The following MLLT1 variants were observed in gnomAD, a reference collection of about 807,000 sequenced individuals.
The protein encoded by MLLT1 is MLLT1 super elongation complex subunit.
In MLLT1, 11 loss-of-function variants were observed where a neutral mutation model predicts 55.1. The ratio of observed to expected loss-of-function variants is 0.20; its 90% CI spans 0.13 to 0.33. MLLT1 has a LOEUF of 0.33. Among genes scored for constraint, MLLT1 ranks in the 10% least tolerant of loss-of-function variants. MLLT1 has a pLI of 1.00. For missense variants in MLLT1, 536 were observed against 760.6 expected, an observed-to-expected ratio of 0.70 and a Z score of 3.47; for synonymous variants, 323 against 320.1, an observed-to-expected ratio of 1.01 and a Z score of -0.10.
In MLLT1 at chr19:6,226,808, G is replaced by C. The variant is rs374621354; in HGVS notation, c.546+169C>G. On this transcript the variant is annotated intron_variant, in intron 5 of 11. Coordinates refer to ENST00000252674, the MANE Select transcript of MLLT1 (RefSeq NM_005934.4). This position sits in a 1 kb window ranked among gnomAD's most constrained non-coding sequence, Gnocchi z 6.3. The stretch of plus-strand genomic sequence containing the variant: ...TCACGGGCTTATTCCTGAAATCCTA[G>C]GGAAGCGGCAGTGCGCAGCGAGGGG... Among the ~76,000 whole-genome samples, 16 of 152,232 alleles carry C rather than the reference G, an allele frequency of 1.1e-4. No homozygotes were observed. In the East Asian group the frequency reaches 3.1e-3, roughly 30 times the overall value.
At chr19:6,232,334 TG>T in intron 3 of MLLT1, among the ~76,000 whole-genome samples, 1 of 152,272 alleles carries the variant, frequency 6.6e-6, no homozygotes, top group Non-Finnish European at 1.5e-5. Context: ...CACCACTCAA[TG>T]GGGACTGAGG....
At chr19:6,214,947 A>C (rs2090824550) in intron 8 of MLLT1, among the ~76,000 whole-genome samples, 1 of 151,638 alleles carries the variant, frequency 6.6e-6, no homozygotes, top group South Asian at 2.1e-4. Context: ...CAGTGGCCTC[A>C]GGCTGGGGCC....
intron 3 of MLLT1, among the ~76,000 whole-genome samples, chr19:6,244,436 T>C (rs2091147900): frequency 6.6e-6 from 1 of 150,442 alleles, no homozygotes; most frequent in African/African-American, 2.4e-5. Flanking sequence ...CACTACCCTT[T>C]GACAGTCTCC....
chr19:6,218,638 A>C (rs2090868367), intron 6 of MLLT1, among the ~76,000 whole-genome samples: 1 of 152,182 alleles, frequency 6.6e-6, no homozygotes, highest in Non-Finnish European at 1.5e-5. Flanking sequence ...CTCCTCCTGC[A>C]GCTGTCCTTC....
At chr19:6,278,155 T>C (rs1312714446) in intron 1 of MLLT1, among the ~76,000 whole-genome samples, 3 of 152,188 alleles carry the variant, frequency 2.0e-5, no homozygotes, top group African/African-American at 4.8e-5. Context: ...CTGCCCTCTC[T>C]AACGGCGGAG....
At chr19:6,221,037 C>A (rs1205624242) in intron 6 of MLLT1, among the ~76,000 whole-genome samples, 1 of 152,212 alleles carries the variant, frequency 6.6e-6, no homozygotes, top group Non-Finnish European at 1.5e-5. Flanking sequence ...GACCGTCACC[C>A]CCAGCCAGCC....
chr19:6,252,915 G>A (rs1401982303), intron 3 of MLLT1, among the ~76,000 whole-genome samples: 1 of 152,116 alleles, frequency 6.6e-6, no homozygotes, highest in East Asian at 1.9e-4. Flanking sequence ...ACAACTATAT[G>A]CCAGCTAGAT....
intron 4 of MLLT1, among the ~76,000 whole-genome samples, chr19:6,228,616 G>A (rs921275400): frequency 7.9e-5 from 12 of 152,288 alleles, no homozygotes; most frequent in East Asian, 3.9e-4. Flanking sequence ...AGCAGCGCTC[G>A]CTGACACAGA....
At chr19:6,274,226 G>T (rs540866693) in intron 1 of MLLT1, among the ~76,000 whole-genome samples, 1 of 152,382 alleles carries the variant, frequency 6.6e-6, no homozygotes, top group Non-Finnish European at 1.5e-5. Flanking sequence ...AGTCTCTGCT[G>T]TTGTAGTAAA....
intron 3 of MLLT1, among the ~76,000 whole-genome samples, chr19:6,239,291 C>T (rs998115051): frequency 1.1e-4 from 16 of 152,230 alleles, no homozygotes; most frequent in Admixed American, 9.8e-4. Flanking sequence ...TGAAATCCCA[C>T]GTCCAGGATG....
chr19:6,239,609 GCACACACCCACC>G (rs1246808840), intron 3 of MLLT1, among the ~76,000 whole-genome samples: 1 of 151,762 alleles, frequency 6.6e-6, no homozygotes, highest in Non-Finnish European at 1.5e-5. Flanking sequence ...ACATGCACAT[GCACACACCCACC>G]CACACACCCA....
rs748778473 is a variant in MLLT1 at position 6,231,263 on chromosome 19, C to T, written c.277-550G>A. Among the ~76,000 whole-genome samples the T allele has an allele frequency of 2.6e-5, 4 of 152,190 alleles. No individual in the cohort carries two copies. The highest frequency in any genetic ancestry group is 5.9e-5 in the Non-Finnish European group (4 of 68,032). ...CACTTTGGGTGCCGCCCCGCACCCT[C>T]GCCACCCCAGAAGACAGGGACGCTC... On this transcript the variant is annotated intron_variant, in intron 3 of 11. Transcript: ENST00000252674. This position sits in a 1 kb window ranked among gnomAD's most constrained non-coding sequence, Gnocchi z 5.1.
intron 1 of MLLT1, among the ~76,000 whole-genome samples, chr19:6,279,389 T>A (rs2091444934): frequency 1.3e-5 from 2 of 151,966 alleles, no homozygotes; most frequent in African/African-American, 4.8e-5. Context: ...GAAGGAGCTC[T>A]GGGCCAGGCT....
intron 3 of MLLT1, among the ~76,000 whole-genome samples, chr19:6,250,100 T>C (rs576452940): frequency 3.3e-5 from 5 of 152,044 alleles, no homozygotes; most frequent in Admixed American, 2.6e-4. Context: ...GGCAAAGAGC[T>C]TGAATAGACG....
Position 6,224,868 on chromosome 19 carries a change from T to A in MLLT1, c.546+2109A>T, listed in dbSNP as rs554272636. The stretch of plus-strand genomic sequence containing the variant: ...CCTCAGCCTCCCGAGTAGCTGGGAT[T>A]ACAGGCGCCCGCCACCACGCCCGGC... On this transcript the variant is annotated intron_variant, in intron 5 of 11. Transcript: ENST00000252674. Among the ~76,000 whole-genome samples, 5 of 152,322 alleles carry A rather than the reference T, an allele frequency of 3.3e-5. No homozygotes were observed. In the East Asian group the frequency reaches 9.6e-4, roughly 29 times the overall value.
intron 2 of MLLT1, among the ~76,000 whole-genome samples, chr19:6,267,483 G>A (rs1481848014): frequency 2.6e-5 from 4 of 151,904 alleles, no homozygotes; most frequent in Non-Finnish European, 5.9e-5. Flanking sequence ...AAGACACAAT[G>A]CAAAAAGGAG....
At chr19:6,248,335 C>G (rs1039670114) in intron 3 of MLLT1, among the ~76,000 whole-genome samples, 1 of 152,198 alleles carries the variant, frequency 6.6e-6, no homozygotes, top group East Asian at 1.9e-4. Context: ...GTGTTTTTAA[C>G]CTACGCCCAC....
chr19:6,212,787 G>T lies in MLLT1; in HGVS notation c.*255C>A. On this transcript the variant is annotated 3_prime_UTR_variant, in exon 12 of 12. Coordinates refer to ENST00000252674, the MANE Select transcript of MLLT1 (RefSeq NM_005934.4). ...CTGCCCAGAGCTGCCTTCAACACCAGCCGCTCTCTGAGGGGAGCCCAGAGA... is the reference window on the plus strand; with the variant it reads ...CTGCCCAGAGCTGCCTTCAACACCATCCGCTCTCTGAGGGGAGCCCAGAGA... The T allele has an allele frequency of 1.1e-6, 1 of 944,164 alleles. No individual in the cohort carries two copies. Among genetic ancestry groups the T allele is most frequent in the Non-Finnish European group, 1.4e-6 (1 of 706,350 alleles). 58.5% of individuals were successfully genotyped at this position (944,164 alleles called of 1,614,324 possible).
chr19:6,225,583 G>A (rs965543841), intron 5 of MLLT1, among the ~76,000 whole-genome samples: 1 of 152,148 alleles, frequency 6.6e-6, no homozygotes, highest in African/African-American at 2.4e-5. Context: ...CATGCTGCCC[G>A]ATGCTCCCCA....
Sources: gnomAD v4.1 joint callset for allele counts (sites outside exome capture counted in the v4.1 genomes callset) on GRCh38, gnomAD v4.1.1 for gene constraint, Gnocchi (gnomAD v3.1) non-coding constraint, MANE v1.5 for transcripts, NCBI Gene and HGNC (gene_info 2026-07-23, HGNC 2026-07-21) for gene names.